The following RGS10 variants were observed in gnomAD, a reference collection of about 807,000 sequenced individuals.
RGS10 encodes regulator of G-protein signalling 10.
In RGS10, 11 loss-of-function variants were observed where a neutral mutation model predicts 23.5. The observed-to-expected ratio is 0.47, with a 90% CI of 0.29 to 0.77. The LOEUF (loss-of-function observed/expected upper bound fraction) is 0.77. Among genes scored for constraint, RGS10 ranks in the 30% least tolerant of loss-of-function variants. The pLI, the probability that RGS10 is intolerant of heterozygous loss-of-function variation, is 0.08. For missense variants in RGS10, 180 were observed against 226.3 expected, an observed-to-expected ratio of 0.80 and a Z score of 1.31; for synonymous variants, 77 against 83.2, an observed-to-expected ratio of 0.92 and a Z score of 0.41.
rs917910495 is a variant in RGS10 at position 119,517,942 on chromosome 10, G to A, written c.256-2290C>T. Among the ~76,000 whole-genome samples, 4 of 152,122 alleles carry A rather than the reference G, an allele frequency of 2.6e-5. No individual in the cohort carries two copies. Among genetic ancestry groups the A allele is most frequent in the Non-Finnish European group, 5.9e-5 (4 of 68,018 alleles). The stretch of plus-strand genomic sequence containing the variant: ...GGCCCTGGCTGACCAGATGCCCACT[G>A]TGAGCAGCTGCAGGGCTCAGCTTAT... On this transcript the variant is annotated intron_variant, in intron 3 of 4. Coordinates refer to ENST00000369103, the MANE Select transcript of RGS10 (RefSeq NM_001005339.2). The surrounding 1 kb of genome is among the most constrained non-coding windows in gnomAD (Gnocchi z 5.0).
chr10:119,539,045 C>T (rs1010055615), intron 1 of RGS10, among the ~76,000 whole-genome samples: 1 of 152,124 alleles, frequency 6.6e-6, no homozygotes, highest in Non-Finnish European at 1.5e-5. Flanking sequence ...GATAAAACAC[C>T]GTGAGCACCT....
chr10:119,513,359 T>C (rs190306658), intron 4 of RGS10, among the ~76,000 whole-genome samples: 276 of 151,926 alleles, frequency 1.8e-3, no homozygotes, highest in African/African-American at 6.0e-3. Flanking sequence ...ACTTGGGAGG[T>C]TGAGGTGGGA....
At chr10:119,525,957 A>G (rs1844268203) in intron 3 of RGS10, 75 bp downstream of exon 3, 1 of 730,074 alleles carries the variant, frequency 1.4e-6, no homozygotes, top group Admixed American at 2.8e-5. Flanking sequence ...AGGTTTCTTT[A>G]GGCAACTTCA....
chr10:119,536,485 C>A, intron 1 of RGS10: 1 of 1,612,478 alleles, frequency 6.2e-7, no homozygotes, highest in South Asian at 1.1e-5. Flanking sequence ...TGGTGTCCAC[C>A]TGAGAAGTTC....
rs1264036952 is a variant in RGS10, at chr10:119,512,010, TGG to T, written c.399+3497_399+3498del. ...GAAGCTCTCCTTTAAACAGGGTGCA[TGG>T]GAGTTGGCTCATCTAGCCTGGGGCT... On this transcript the variant is annotated intron_variant, in intron 4 of 4. Transcript: ENST00000369103. 2.0e-5 allele frequency among the ~76,000 whole-genome samples: 3 copies of T among 152,270 alleles called. No homozygotes were observed. In the East Asian group the frequency reaches 5.8e-4, roughly 29 times the overall value.
Position 119,526,128 on chromosome 10 carries a change from C to T in RGS10, c.169-10G>A. The T allele has an allele frequency of 7.1e-7, 1 of 1,399,342 alleles. No homozygotes were observed. Among genetic ancestry groups the T allele is most frequent in the Non-Finnish European group, 9.9e-7 (1 of 1,010,868 alleles). The allele number at this position is 1,399,342 out of a possible 1,614,324, so 86.7% of individuals were successfully genotyped here. On this transcript the variant is annotated splice_polypyrimidine_tract_variant and intron_variant, in intron 2 of 4. Transcript: ENST00000369103. ...CCTTTTTTAAAAATTCCTGTGGATA[C>T]AAAGAAAAAGAGTCACACAGTATTC...
chr10:119,500,332 A>G (rs1384392641), intron 4 of RGS10, 73 bp from the exon 5 acceptor site: 2 of 1,349,526 alleles, frequency 1.5e-6, no homozygotes, highest in Non-Finnish European at 2.0e-6. Flanking sequence ...TCAGATATGT[A>G]TTAATACCTA....
intron 1 of RGS10, among the ~76,000 whole-genome samples, chr10:119,535,037 T>C (rs548488850): frequency 6.6e-6 from 1 of 152,260 alleles, no homozygotes; most frequent in Non-Finnish European, 1.5e-5. Context: ...ACGAAGAAAC[T>C]GAGGCACGGT....
At chr10:119,539,325 T>C (rs1844416721) in intron 1 of RGS10, among the ~76,000 whole-genome samples, 1 of 152,224 alleles carries the variant, frequency 6.6e-6, no homozygotes, top group African/African-American at 2.4e-5. Flanking sequence ...CTTAAAACTG[T>C]TCCCAAGGGT....
At position 119,541,998 on chromosome 10, in the gene RGS10, C is replaced by T. The variant is rs370499649; in HGVS notation, c.49+592G>A. ...CGTGGCTCAGGCTGGCCCAAAGTGA[C>T]GGCCAAGGCGAATCCTTCGTAACGT... On this transcript the variant is annotated intron_variant, in intron 1 of 4. Transcript: ENST00000369103. 2.0e-5 allele frequency among the ~76,000 whole-genome samples: 3 copies of T among 152,374 alleles called. No homozygotes were observed. The South Asian group carries it at 6.2e-4, about 32-fold the overall frequency.
At chr10:119,518,703 CCAA>C (rs1394341248) in intron 3 of RGS10, among the ~76,000 whole-genome samples, 20 of 133,298 alleles carry the variant, frequency 1.5e-4, no homozygotes, top group Admixed American at 2.3e-4. Flanking sequence ...CTCACCACCC[CCAA>C]TCCCTCTTTT....
intron 4 of RGS10, among the ~76,000 whole-genome samples, chr10:119,514,657 TAAA>T (rs59322683): frequency 0.045 from 6,406 of 141,688 alleles, 251 homozygotes; most frequent in East Asian, 0.2. Flanking sequence ...GACTCGGTAT[TAAA>T]AAAAAAAAAA....
At position 119,524,511 on chromosome 10, in the gene RGS10, G is replaced by C. The variant is rs374088962; in HGVS notation, c.255+1521C>G. On this transcript the variant is annotated intron_variant, in intron 3 of 4. Coordinates refer to ENST00000369103, the MANE Select transcript of RGS10 (RefSeq NM_001005339.2). This position sits in a 1 kb window ranked among gnomAD's most constrained non-coding sequence, Gnocchi z 5.2. ...TGAGCTAGGATTTTATGGTGAGGCT[G>C]GTCGCAGCGGTGGCACAGTCTAGCA... Among the ~76,000 whole-genome samples the C allele has an allele frequency of 3.4e-4, 52 of 152,300 alleles. No homozygotes were observed. Among genetic ancestry groups the C allele is most frequent in the African/African-American group, 1.2e-3 (50 of 41,568 alleles).
At chr10:119,518,190 G>A (rs1844168203) in intron 3 of RGS10, among the ~76,000 whole-genome samples, 1 of 152,222 alleles carries the variant, frequency 6.6e-6, no homozygotes, top group Non-Finnish European at 1.5e-5. Flanking sequence ...CTGTGGCCTG[G>A]AAGGATGGCC....
intron 1 of RGS10, among the ~76,000 whole-genome samples, chr10:119,537,220 TAAA>T (rs1278682803): frequency 6.6e-6 from 1 of 151,482 alleles, no homozygotes; most frequent in Non-Finnish European, 1.5e-5. Flanking sequence ...TGGAGAAACC[TAAA>T]AATACAAAAT....
chr10:119,521,737 CAG>C (rs1844221231), intron 3 of RGS10, among the ~76,000 whole-genome samples: 1 of 127,340 alleles, frequency 7.9e-6, no homozygotes, highest in Non-Finnish European at 1.7e-5. Context: ...AAAAAAAAAA[CAG>C]AACAGTTTAC....
intron 4 of RGS10, among the ~76,000 whole-genome samples, chr10:119,508,616 A>G (rs951377579): frequency 2.0e-4 from 30 of 152,232 alleles, no homozygotes; most frequent in African/African-American, 6.8e-4. Flanking sequence ...GCAGACTTCA[A>G]TGTGTTCCAT....
intron 1 of RGS10, among the ~76,000 whole-genome samples, chr10:119,530,908 G>C (rs1238111161): frequency 6.6e-6 from 1 of 152,176 alleles, no homozygotes; most frequent in Non-Finnish European, 1.5e-5. Context: ...GTACGTAAGA[G>C]AATTATTTGG....
In RGS10 at chr10:119,542,613, A is replaced by T. The variant is rs1191184267; in HGVS notation, c.26T>A (p.Leu9Gln). 10 of 1,425,804 alleles carry T rather than the reference A, an allele frequency of 7.0e-6. No homozygotes were observed. The highest frequency in any genetic ancestry group is 9.2e-6 in the Non-Finnish European group (10 of 1,087,012). 88.3% of individuals were successfully genotyped at this position (1,425,804 alleles called of 1,614,324 possible). Residue 9 changes from leucine (L) to glutamine (Q), a missense_variant, in exon 1 of 5, where the codon CTG becomes CAG. Coordinates refer to ENST00000369103, the MANE Select transcript of RGS10 (RefSeq NM_001005339.2). MFNRAVSR[L>Q]SRKRPPSDIH... The stretch of plus-strand genomic sequence containing the variant: ...ACCTGACGGCGGCCGCTTCCTGCTC[A>T]GCCGGCTCACGGCGCGGTTGAACAT...
Sources: gnomAD v4.1 joint callset for allele counts (sites outside exome capture counted in the v4.1 genomes callset) on GRCh38, gnomAD v4.1.1 for gene constraint, Gnocchi (gnomAD v3.1) non-coding constraint, MANE v1.5 for transcripts, NCBI Gene and HGNC (gene_info 2026-07-23, HGNC 2026-07-21) for gene names.